The following KAT6B variants were observed in gnomAD, a reference collection of about 807,000 sequenced individuals.
KAT6B encodes the protein histone acetyltransferase KAT6B.
In KAT6B, 10 loss-of-function variants were observed where a neutral mutation model predicts 187.5. The observed-to-expected ratio is 0.05, with a 90% CI of 0.03 to 0.09. KAT6B has a LOEUF of 0.09. Ranked by LOEUF, KAT6B falls within the 10% of genes least tolerant of loss-of-function variation. KAT6B has a pLI of 1.00. For missense variants in KAT6B, 1,952 were observed against 2,558.9 expected, an observed-to-expected ratio of 0.76 and a Z score of 5.12; for synonymous variants, 861 against 926.8, an observed-to-expected ratio of 0.93 and a Z score of 1.29.
chr10:74,932,139 TGTCCA>T (rs1388366002), intron 3 of KAT6B, among the ~76,000 whole-genome samples: 4 of 152,238 alleles, frequency 2.6e-5, no homozygotes, highest in Non-Finnish European at 4.4e-5. Context: ...TCTGTGCTCT[TGTCCA>T]GTTGAAGTAA....
chr10:74,910,390 C>T (rs1274720208), intron 3 of KAT6B, among the ~76,000 whole-genome samples: 1 of 152,156 alleles, frequency 6.6e-6, no homozygotes, highest in African/African-American at 2.4e-5. Flanking sequence ...AATACCCCCT[C>T]GTGGCATTTC....
chr10:74,924,319 A>C (rs1331654995), intron 3 of KAT6B, among the ~76,000 whole-genome samples: 1 of 152,234 alleles, frequency 6.6e-6, no homozygotes, highest in East Asian at 1.9e-4. Flanking sequence ...TAAAGTGGCC[A>C]TAATACGGCT....
chr10:74,917,188 A>T (rs1211702747), intron 3 of KAT6B, among the ~76,000 whole-genome samples: 1 of 152,252 alleles, frequency 6.6e-6, no homozygotes, highest in Non-Finnish European at 1.5e-5. Context: ...AATTATTTTG[A>T]AATAATTTTA....
intron 13 of KAT6B, among the ~76,000 whole-genome samples, chr10:74,991,407 C>CA (rs1843118112): frequency 6.6e-6 from 1 of 152,200 alleles, no homozygotes; most frequent in Admixed American, 6.5e-5. Flanking sequence ...CATGATCTGG[C>CA]ACTAAGGCCT....
At chr10:74,894,996 G>T (rs962907204) in intron 3 of KAT6B, among the ~76,000 whole-genome samples, 1 of 151,160 alleles carries the variant, frequency 6.6e-6, no homozygotes, top group Admixed American at 6.6e-5. Flanking sequence ...TAGCAGCTAC[G>T]CCATTTTACA....
intron 13 of KAT6B, among the ~76,000 whole-genome samples, chr10:75,003,745 A>G (rs1011685438): frequency 2.6e-5 from 4 of 152,200 alleles, no homozygotes; most frequent in African/African-American, 9.7e-5. Context: ...TTAATATGCT[A>G]AAGATAACAT....
At position 74,901,945 on chromosome 10, in the gene KAT6B, G is replaced by C. The variant is rs555538341; in HGVS notation, c.622-58025G>C. Among the ~76,000 whole-genome samples, 6 of 152,278 alleles carry C rather than the reference G, an allele frequency of 3.9e-5. No individual in the cohort carries two copies. In the East Asian group the frequency reaches 1.2e-3, roughly 29 times the overall value. On this transcript the variant is annotated intron_variant, in intron 3 of 17. Coordinates refer to ENST00000287239, the MANE Select transcript of KAT6B (RefSeq NM_012330.4). ...TTGTTAAAAAGAGAGCTGGAAACTT[G>C]TCAGAAATCAAAGAAGTGCTAGGAG...
At chr10:74,895,939 T>TG in intron 3 of KAT6B, among the ~76,000 whole-genome samples, 1 of 152,228 alleles carries the variant, frequency 6.6e-6, no homozygotes, top group East Asian at 1.9e-4. Flanking sequence ...ACACTGCTTT[T>TG]TTGTTGTTGT....
At chr10:74,899,160 C>CA (rs935304160) in intron 3 of KAT6B, among the ~76,000 whole-genome samples, 338 of 127,286 alleles carry the variant, frequency 2.7e-3, no homozygotes, top group African/African-American at 6.5e-3. Context: ...TACTCCATCT[C>CA]AAAAAAAAAA....
chr10:74,860,735 C>T (rs1277317716), intron 3 of KAT6B, among the ~76,000 whole-genome samples: 2 of 152,182 alleles, frequency 1.3e-5, no homozygotes, highest in Non-Finnish European at 2.9e-5. Flanking sequence ...TGGTGGCTCA[C>T]GCCTGTAACC....
chr10:74,905,917 G>A (rs1353618138), intron 3 of KAT6B, among the ~76,000 whole-genome samples: 3 of 152,156 alleles, frequency 2.0e-5, no homozygotes, highest in Non-Finnish European at 4.4e-5. Flanking sequence ...GCTCAAAAGT[G>A]TATGCTGTTG....
chr10:74,846,853 A>AG (rs1716578065), intron 3 of KAT6B, among the ~76,000 whole-genome samples: 1 of 152,186 alleles, frequency 6.6e-6, no homozygotes, highest in African/African-American at 2.4e-5. Context: ...CACTACCCTA[A>AG]GGTATGTTAA....
Position 75,021,933 on chromosome 10 carries a change from T to C in KAT6B, c.3074T>C (p.Ile1025Thr). The change falls in exon 16 of 18, where the codon ATC (isoleucine) becomes ACC (threonine). Residue 1025 changes from isoleucine (I) to threonine (T), a missense_variant. By Grantham distance (89) the Ile-to-Thr change is moderately conservative (BLOSUM62 -1). Coordinates refer to ENST00000287239, the MANE Select transcript of KAT6B (RefSeq NM_012330.4). The stretch of plus-strand genomic sequence containing the variant: ...TGCTGGGAGAAGGAGGAACAAGAAA[T>C]CCTGTCAACTAGAGCTAACAGTAGG... ...ASCWEKEEQE[I>T]LSTRANSRQS... The C allele has an allele frequency of 6.2e-7, 1 of 1,614,160 alleles. No homozygotes were observed. The highest frequency in any genetic ancestry group is 8.5e-7 in the Non-Finnish European group (1 of 1,180,030).
chr10:75,014,233 G>C (rs1844819938), intron 13 of KAT6B, among the ~76,000 whole-genome samples: 1 of 152,154 alleles, frequency 6.6e-6, no homozygotes, highest in Non-Finnish European at 1.5e-5. Flanking sequence ...CCAGCACTTT[G>C]GGAGGCTGAG....
chr10:74,908,425 G>T (rs941024359), intron 3 of KAT6B, among the ~76,000 whole-genome samples: 1 of 151,948 alleles, frequency 6.6e-6, no homozygotes, highest in Non-Finnish European at 1.5e-5. Context: ...GCTGGGCATG[G>T]TGCTGCGTGC....
At chr10:74,948,392 A>G (rs1840087265) in intron 3 of KAT6B, among the ~76,000 whole-genome samples, 1 of 152,230 alleles carries the variant, frequency 6.6e-6, no homozygotes, top group African/African-American at 2.4e-5. Context: ...GGGCATTGTC[A>G]GAGGTGGTGG....
Position 75,030,993 on chromosome 10 carries a change from A to G in KAT6B, c.6169A>G (p.Met2057Val), listed in dbSNP as rs779699152. The change falls in exon 18 of 18, where the codon ATG becomes GTG. Residue 2057 changes from methionine to valine, a missense_variant. This residue lies in a region of KAT6B where 358 missense variants were observed against 436.3 expected (regional missense o/e 0.82). Transcript: ENST00000287239. This position sits in a 1 kb window ranked among gnomAD's most constrained non-coding sequence, Gnocchi z 4.8. Reference sequence around the variant, plus strand: ...CACGGCCCCCGGACATCACGGCTACATGAACACAGGCATGTCCAAACAGTC... The same window carrying G: ...CACGGCCCCCGGACATCACGGCTACGTGAACACAGGCATGTCCAAACAGTC... ...MYTAPGHHGY[M>V]NTGMSKQSLN... is the part of the protein sequence containing the mutation. 3 of 1,614,104 alleles carry G rather than the reference A, an allele frequency of 1.9e-6. No homozygotes were observed. The highest frequency in any genetic ancestry group is 1.3e-5 in the African/African-American group (1 of 74,930).
chr10:74,931,305 C>G (rs1848856200), intron 3 of KAT6B, among the ~76,000 whole-genome samples: 2 of 152,158 alleles, frequency 1.3e-5, no homozygotes, highest in East Asian at 3.9e-4. Context: ...GCCATCACCC[C>G]TCCCCTTTCC....
chr10:74,970,115 C>T lies in KAT6B; in HGVS notation c.928+14C>T. Reference sequence around the variant, plus strand: ...GAATGCCAAAAGGTGAACTTCTAAACTGTACTAAAAATGTATTTTATTACA... The same window carrying T: ...GAATGCCAAAAGGTGAACTTCTAAATTGTACTAAAAATGTATTTTATTACA... On this transcript the variant is annotated intron_variant, in intron 6 of 17. Transcript: ENST00000287239. 1 of 1,580,844 alleles carries T rather than the reference C, an allele frequency of 6.3e-7. No individual in the cohort carries two copies. Among genetic ancestry groups the T allele is most frequent in the Non-Finnish European group, 8.7e-7 (1 of 1,149,998 alleles).
Sources: gnomAD v4.1 joint callset for allele counts (sites outside exome capture counted in the v4.1 genomes callset) on GRCh38, gnomAD v4.1.1 for gene constraint, gnomAD v4.1.1 regional missense constraint, Gnocchi (gnomAD v3.1) non-coding constraint, MANE v1.5 for transcripts, NCBI Gene and HGNC (gene_info 2026-07-23, HGNC 2026-07-21) for gene names.